RAB12: variants seen among roughly 807,000 people sequenced by gnomAD.
RAB12 encodes the protein ras-related protein Rab-12.
Under a neutral mutation model 28.4 loss-of-function variants are expected in RAB12, and 11 were observed. That is an observed-to-expected ratio of 0.39 (90% CI 0.24 to 0.64). The LOEUF is 0.64. Ranked by LOEUF, RAB12 falls within the 30% of genes least tolerant of loss-of-function variation. RAB12 has a pLI of 0.50. For missense variants in RAB12, 276 were observed against 351.1 expected (o/e 0.79, Z 1.71); for synonymous variants, 138 against 145.3 (o/e 0.95, Z 0.36).
Position 8,609,842 on chromosome 18 carries a change from G to T in RAB12, c.403G>T (p.Ala135Ser), listed in dbSNP as rs1204448450. The T allele has an allele frequency of 1.9e-6, 3 of 1,577,336 alleles. No homozygotes were observed. Residue 135 changes from alanine (A) to serine (S), a missense_variant, in exon 1 of 6, where the codon GCC becomes TCC. Coordinates refer to ENST00000649141, the MANE Select transcript of RAB12 (RefSeq NM_001025300.3). ...CCGGAGGAAGCAGCCCCCCAGGCCG[G>T]CCGACTTCAAGTTGCAGGTCATCAT... ...GRRRKQPPRP[A>S]DFKLQVIIIG...
chr18:8,625,803 C>T (rs1039651509), intron 2 of RAB12, among the ~76,000 whole-genome samples: 1 of 152,208 alleles, frequency 6.6e-6, no homozygotes, highest in Non-Finnish European at 1.5e-5. Context: ...CTTGGCAGGT[C>T]ACCCTCAGCT....
rs1479737691 is a variant in RAB12, at chr18:8,635,455, C to T, written c.715-78C>T. The T allele has an allele frequency of 2.9e-6, 3 of 1,043,460 alleles. No individual in the cohort carries two copies. The African/African-American group carries it at 4.9e-5, about 17-fold the overall frequency. 64.6% of individuals were successfully genotyped at this position (1,043,460 alleles called of 1,614,324 possible). On this transcript the variant is annotated intron_variant, in intron 3 of 5. Transcript: ENST00000649141. ...GACAAATGTAAATTAGCGAAAAATACTGTATCGGTTTATATTTCTGCTGTC... is the reference window on the plus strand; with the variant it reads ...GACAAATGTAAATTAGCGAAAAATATTGTATCGGTTTATATTTCTGCTGTC...
intron 3 of RAB12, 121 bp from the exon 4 acceptor site, chr18:8,635,412 A>G: frequency 1.4e-6 from 1 of 735,508 alleles, no homozygotes; most frequent in East Asian, 2.9e-5. Context: ...AGAACCTCAA[A>G]GACAGTGGAA....
chr18:8,616,858 G>T (rs2096006985), intron 1 of RAB12, among the ~76,000 whole-genome samples: 1 of 152,146 alleles, frequency 6.6e-6, no homozygotes, highest in Non-Finnish European at 1.5e-5. Flanking sequence ...GAGCCAGGGA[G>T]ATCTAGGCTG....
intron 3 of RAB12, 21 bp from the exon 4 acceptor site, chr18:8,635,512 G>C (rs1435619528): frequency 6.4e-7 from 1 of 1,573,236 alleles, no homozygotes; most frequent in East Asian, 2.2e-5. Flanking sequence ...TTGAAATGTG[G>C]CTTCTTTTAA....
chr18:8,611,062 G>C (rs2096003516), intron 1 of RAB12, among the ~76,000 whole-genome samples: 1 of 152,100 alleles, frequency 6.6e-6, no homozygotes, highest in Non-Finnish European at 1.5e-5. Context: ...GTCTTTCTTG[G>C]TTTGTTTTCA....
At chr18:8,613,247 C>T (rs1294521572) in intron 1 of RAB12, among the ~76,000 whole-genome samples, 1 of 152,122 alleles carries the variant, frequency 6.6e-6, no homozygotes, top group Non-Finnish European at 1.5e-5. Flanking sequence ...TTTAATTAGT[C>T]TGATTATAAT....
chr18:8,626,199 G>A (rs1354434763), intron 2 of RAB12, among the ~76,000 whole-genome samples: 1 of 152,160 alleles, frequency 6.6e-6, no homozygotes, highest in Non-Finnish European at 1.5e-5. Context: ...CAGACTTTTT[G>A]TGCATTGCTG....
chr18:8,625,315 A>T (rs1193149892), intron 2 of RAB12, among the ~76,000 whole-genome samples: 1 of 152,254 alleles, frequency 6.6e-6, no homozygotes, highest in South Asian at 2.1e-4. Flanking sequence ...ATGATTGCTC[A>T]AATGTTTGTC....
intron 5 of RAB12, among the ~76,000 whole-genome samples, chr18:8,637,928 TGAGGAG>T (rs367637160): frequency 2.6e-5 from 4 of 151,300 alleles, no homozygotes; most frequent in Non-Finnish European, 4.4e-5. Flanking sequence ...TTGAGTAGGC[TGAGGAG>T]GAGGAGGAGG....
At chr18:8,619,916 A>G (rs1334434492) in intron 1 of RAB12, among the ~76,000 whole-genome samples, 1 of 152,090 alleles carries the variant, frequency 6.6e-6, no homozygotes, top group Non-Finnish European at 1.5e-5. Context: ...AGGCTGAGGT[A>G]GGAGGATCGC....
intron 2 of RAB12, among the ~76,000 whole-genome samples, chr18:8,630,690 G>C (rs552750966): frequency 2.0e-5 from 3 of 152,304 alleles, no homozygotes; most frequent in Admixed American, 2.0e-4. Context: ...TGATTGATGT[G>C]CTTACATTCT....
chr18:8,627,673 G>A (rs9948960), intron 2 of RAB12, among the ~76,000 whole-genome samples: 18,273 of 152,272 alleles, frequency 0.12, 1,311 homozygotes, highest in Admixed American at 0.17. Context: ...ACTTGGAGTT[G>A]TGTTGAAATG....
rs536305888 is a variant in RAB12, at chr18:8,622,818, C to T, written c.515-2120C>T. Among the ~76,000 whole-genome samples the T allele has an allele frequency of 3.9e-5, 6 of 152,238 alleles. No homozygotes were observed. The East Asian group carries it at 1.2e-3, about 29-fold the overall frequency. On this transcript the variant is annotated intron_variant, in intron 1 of 5. Transcript: ENST00000649141. ...ATAGAAGACGGCCACGCCCAGGGCC[C>T]CCCGCCACCCCGTAGACCTACCCCC...
At chr18:8,623,552 T>TGCGTTTTGTGC (rs2096011080) in intron 1 of RAB12, among the ~76,000 whole-genome samples, 1 of 152,234 alleles carries the variant, frequency 6.6e-6, no homozygotes, top group African/African-American at 2.4e-5. Flanking sequence ...TCTTGTGTAG[T>TGCGTTTTGTGC]GTCACTTGAA....
At chr18:8,636,689 T>C (rs1406858529) in intron 5 of RAB12, among the ~76,000 whole-genome samples, 1 of 152,178 alleles carries the variant, frequency 6.6e-6, no homozygotes, top group Non-Finnish European at 1.5e-5. Context: ...GAGAATTCAG[T>C]TGGAGACCTA....
In RAB12 at chr18:8,609,853, G is replaced by A; in HGVS notation, c.414G>A (p.Lys138=). Residue 138 remains lysine (K), a synonymous_variant, in exon 1 of 6, where the codon AAG becomes AAA. Transcript: ENST00000649141. ...AGCCCCCCAGGCCGGCCGACTTCAA[G>A]TTGCAGGTCATCATTATCGGCTCCC... ...RKQPPRPADF[K]LQVIIIGSRG... is the part of the protein sequence containing the mutation. The A allele has an allele frequency of 6.3e-7, 1 of 1,589,682 alleles. No homozygotes were observed. Among genetic ancestry groups the A allele is most frequent in the Non-Finnish European group, 8.5e-7 (1 of 1,169,908 alleles).
chr18:8,622,033 C>T (rs531880453), intron 1 of RAB12, among the ~76,000 whole-genome samples: 10 of 152,194 alleles, frequency 6.6e-5, no homozygotes, highest in East Asian at 1.9e-4. Flanking sequence ...TGCTGGAGTT[C>T]GGTAAGTTGT....
intron 2 of RAB12, among the ~76,000 whole-genome samples, chr18:8,632,202 C>T (rs149374106): frequency 0.064 from 9,490 of 147,846 alleles, 332 homozygotes; most frequent in African/African-American, 0.093. Context: ...CGCTTGAACT[C>T]GGGAGGCAGA....
Sources: gnomAD v4.1 joint callset for allele counts (sites outside exome capture counted in the v4.1 genomes callset) on GRCh38, gnomAD v4.1.1 for gene constraint, MANE v1.5 for transcripts, NCBI Gene and HGNC (gene_info 2026-07-23, HGNC 2026-07-21) for gene names.